Variants in RAPGEF2 observed in about 807,000 individuals in gnomAD.
RAPGEF2 encodes the protein Rap guanine nucleotide exchange factor 2.
In RAPGEF2, 54 loss-of-function variants were observed where a neutral mutation model predicts 186.7. The ratio of observed to expected loss-of-function variants is 0.29; its 90% CI spans 0.23 to 0.36. The LOEUF (loss-of-function observed/expected upper bound fraction) is 0.36, where lower values mean the gene tolerates loss of function less well. RAPGEF2 is among the 10% of genes least tolerant of loss of function. RAPGEF2 has a pLI of 1.00. For missense variants in RAPGEF2, 1,532 were observed against 2,045.0 expected (o/e 0.75, Z 4.84); for synonymous variants, 712 against 705.9 (o/e 1.01, Z -0.14).
At chr4:159,168,718 G>A (rs571456938) in intron 1 of RAPGEF2, among the ~76,000 whole-genome samples, 11 of 152,226 alleles carry the variant, frequency 7.2e-5, no homozygotes, top group African/African-American at 1.4e-4. Flanking sequence ...ATACGGTCAC[G>A]TTTCATTATG....
intron 1 of RAPGEF2, chr4:159,128,854 A>G (rs1740667392): frequency 6.8e-6 from 1 of 146,788 alleles, no homozygotes; most frequent in Non-Finnish European, 1.5e-5. Context: ...AGACATACAT[A>G]CATACATATG....
In RAPGEF2 at chr4:159,353,087, C is replaced by A. The variant is rs1731433820; in HGVS notation, c.4091+177C>A. 6.6e-6 allele frequency among the ~76,000 whole-genome samples: 1 copy of A among 152,124 alleles called. No homozygotes were observed. Among genetic ancestry groups the A allele is most frequent in the Non-Finnish European group, 1.5e-5 (1 of 68,020 alleles). ...TAAGTATCATGTTATTTTTGTTAAG[C>A]AGACTGCTTTTTTAGTTAAGTTTAT... On this transcript the variant is annotated intron_variant, in intron 27 of 29. Coordinates refer to ENST00000691494, the MANE Select transcript of RAPGEF2 (RefSeq NM_001394067.2). This position sits in a 1 kb window ranked among gnomAD's most constrained non-coding sequence, Gnocchi z 4.3.
At chr4:159,176,549 C>G (rs1178866269) in intron 1 of RAPGEF2, among the ~76,000 whole-genome samples, 1 of 151,962 alleles carries the variant, frequency 6.6e-6, no homozygotes, top group South Asian at 2.1e-4. Flanking sequence ...TATTGAATTA[C>G]TTCAATATAA....
At chr4:159,178,038 G>A (rs1561049421) in intron 1 of RAPGEF2, among the ~76,000 whole-genome samples, 1 of 152,050 alleles carries the variant, frequency 6.6e-6, no homozygotes, top group Non-Finnish European at 1.5e-5. Context: ...AACCTCCATA[G>A]GCCTGCTAAT....
intron 3 of RAPGEF2, among the ~76,000 whole-genome samples, chr4:159,209,015 C>CA (rs1243944311): frequency 3.3e-5 from 5 of 152,050 alleles, no homozygotes; most frequent in Non-Finnish European, 7.4e-5. Flanking sequence ...CTCAGCCTCC[C>CA]AAGTAGCCGG....
At position 159,243,630 on chromosome 4, in the gene RAPGEF2, A is replaced by C; in HGVS notation, c.526-144A>C. On this transcript the variant is annotated intron_variant, in intron 6 of 29. Coordinates refer to ENST00000691494, the MANE Select transcript of RAPGEF2 (RefSeq NM_001394067.2). ...TGCATGGCTAAATAACATGGGAAGC[A>C]TTATACATATAGCTGATTCTATATG... 6.3e-6 allele frequency: 3 copies of C among 476,482 alleles called. No homozygotes were observed. The Admixed American group carries it at 8.1e-5, about 13-fold the overall frequency. The allele number at this position is 476,482 out of a possible 1,614,324, so 29.5% of individuals were successfully genotyped here.
chr4:159,247,758 T>TTC (rs1461759879), intron 7 of RAPGEF2, among the ~76,000 whole-genome samples: 1 of 86,332 alleles, frequency 1.2e-5, no homozygotes, highest in African/African-American at 5.1e-5. Flanking sequence ...TTTGTTTCTT[T>TTC]TTTTTTTTTT....
chr4:159,114,290 G>T (rs1423609109), intron 1 of RAPGEF2, among the ~76,000 whole-genome samples: 2 of 152,008 alleles, frequency 1.3e-5, no homozygotes, highest in African/African-American at 4.8e-5. Context: ...TTTTAGTAGA[G>T]ACAGGGTTTC....
chr4:159,109,543 T>A (rs574884401), intron 1 of RAPGEF2, among the ~76,000 whole-genome samples: 2 of 152,354 alleles, frequency 1.3e-5, no homozygotes, highest in South Asian at 4.1e-4. Context: ...TAGTCCTCTT[T>A]ATAGCATATT....
At chr4:159,131,519 A>ATTTTTTTTTTTTTTTTTTTTTTTTT (rs35670450) in intron 1 of RAPGEF2, among the ~76,000 whole-genome samples, 3 of 37,188 alleles carry the variant, frequency 8.1e-5, no homozygotes, top group East Asian at 7.0e-4. Context: ...ATTAATTGCT[A>ATTTTTTTTTTTTTTTTTTTTTTTTT]TTTTTTTTTT....
At chr4:159,146,431 A>G (rs1579303317) in intron 1 of RAPGEF2, among the ~76,000 whole-genome samples, 1 of 151,954 alleles carries the variant, frequency 6.6e-6, no homozygotes, top group South Asian at 2.1e-4. Context: ...TAAAGCCTAA[A>G]TGTTTAAATC....
chr4:159,146,467 TA>T (rs1291636897), intron 1 of RAPGEF2, among the ~76,000 whole-genome samples: 1 of 152,042 alleles, frequency 6.6e-6, no homozygotes, highest in Non-Finnish European at 1.5e-5. Flanking sequence ...TAACTAGAGA[TA>T]AAAGTCATTT....
chr4:159,178,775 T>A (rs1270287615), intron 1 of RAPGEF2, among the ~76,000 whole-genome samples: 2 of 151,990 alleles, frequency 1.3e-5, no homozygotes, highest in Admixed American at 1.3e-4. Flanking sequence ...GCCAGGCTGG[T>A]CTTGAGCTCC....
intron 1 of RAPGEF2, among the ~76,000 whole-genome samples, chr4:159,173,191 C>G (rs1746097092): frequency 6.6e-6 from 1 of 152,108 alleles, no homozygotes; most frequent in South Asian, 2.1e-4. Flanking sequence ...TTATTTTTGT[C>G]TTTTGTCCTA....
At chr4:159,203,970 C>T (rs950632331) in intron 3 of RAPGEF2, among the ~76,000 whole-genome samples, 5 of 152,200 alleles carry the variant, frequency 3.3e-5, no homozygotes, top group African/African-American at 9.7e-5. Context: ...CCAGAACCTG[C>T]GCTCTTTGCA....
chr4:159,219,851 AATGTTTGAT>A, intron 4 of RAPGEF2, among the ~76,000 whole-genome samples: 1 of 152,332 alleles, frequency 6.6e-6, no homozygotes, highest in South Asian at 2.1e-4. Flanking sequence ...GCTCACCTGC[AATGTTTGAT>A]ATGCGTATAC....
rs1730394930 is a variant in RAPGEF2, at chr4:159,346,900, C to T, written c.3614C>T (p.Pro1205Leu). ...AQSLPQPQQQPPPAHKINQGL... is the reference protein window; with the variant it reads ...AQSLPQPQQQLPPAHKINQGL... ...TCCCTGCCACAGCCCCAGCAGCAGC[C>T]ACCACCAGCACATAAAATCAACCAG... The change falls in exon 25 of 30, where the codon CCA becomes CTA. Residue 1205 changes from proline to leucine, a missense_variant. By Grantham distance (98) the Pro-to-Leu change is moderately conservative (BLOSUM62 -3). Coordinates refer to ENST00000691494, the MANE Select transcript of RAPGEF2 (RefSeq NM_001394067.2). The T allele has an allele frequency of 4.3e-6, 7 of 1,614,054 alleles. No individual in the cohort carries two copies. The highest frequency in any genetic ancestry group is 5.9e-6 in the Non-Finnish European group (7 of 1,180,034).
At chr4:159,198,376 TTTCCTTCCTTCC>T (rs70962661) in intron 3 of RAPGEF2, among the ~76,000 whole-genome samples, 38 of 125,586 alleles carry the variant, frequency 3.0e-4, no homozygotes, top group South Asian at 2.7e-4. Context: ...TTTTTCTTTC[TTTCCTTCCTTCC>T]TTCCTTCCTC....
At chr4:159,311,676 C>T (rs1030368784) in intron 8 of RAPGEF2, among the ~76,000 whole-genome samples, 5 of 152,140 alleles carry the variant, frequency 3.3e-5, no homozygotes, top group African/African-American at 1.2e-4. Context: ...AGTTTGTTCA[C>T]ACAGTAAATA....
Sources: gnomAD v4.1 joint callset for allele counts (sites outside exome capture counted in the v4.1 genomes callset) on GRCh38, gnomAD v4.1.1 for gene constraint, Gnocchi (gnomAD v3.1) non-coding constraint, MANE v1.5 for transcripts, NCBI Gene and HGNC (gene_info 2026-07-23, HGNC 2026-07-21) for gene names.